Variants in ZC3HAV1 observed in about 807,000 individuals in gnomAD.
ZC3HAV1 encodes the protein zinc finger CCCH-type containing, antiviral 1, also known as zinc finger CCCH-type antiviral protein 1.
ZC3HAV1 carries 41 observed loss-of-function variants against 86.6 expected under a neutral mutation model. That is an observed-to-expected ratio of 0.47 (90% CI 0.37 to 0.61). The LOEUF (loss-of-function observed/expected upper bound fraction) is 0.61. ZC3HAV1 is among the 20% of genes least tolerant of loss of function. The pLI, the probability that ZC3HAV1 is intolerant of heterozygous loss-of-function variation, is 0.00. For synonymous variants in ZC3HAV1, 421 were observed against 432.1 expected (o/e 0.97, Z 0.32); for missense variants, 964 against 1,141.1 (o/e 0.84, Z 2.24).
rs1185478922 is a variant in ZC3HAV1 at position 139,057,753 on chromosome 7, G to C, written c.2097-2458C>G. ...GATGGGGTTTCACCGTGTTAGCCAGGATGGTCTCGATCTCCTGACCTCGTG... is the reference window on the plus strand; with the variant it reads ...GATGGGGTTTCACCGTGTTAGCCAGCATGGTCTCGATCTCCTGACCTCGTG... On this transcript the variant is annotated intron_variant, in intron 9 of 12. Transcript: ENST00000242351. 7.8e-5 allele frequency among the ~76,000 whole-genome samples: 2 copies of C among 25,522 alleles called. 1 individual carries two copies. Among genetic ancestry groups the C allele is most frequent in the African/African-American group, 4.6e-4 (2 of 4,380 alleles). The allele number at this position is 25,522 out of a possible 152,430, so 16.7% of individuals were successfully genotyped here. A position where few individuals can be genotyped will look rare whatever the true frequency, so the allele number is the denominator to read the frequency against.
intron 12 of ZC3HAV1, among the ~76,000 whole-genome samples, chr7:139,052,020 C>T (rs1406877005): frequency 6.6e-6 from 1 of 151,886 alleles, no homozygotes; most frequent in Non-Finnish European, 1.5e-5. Flanking sequence ...TTAATTCCCT[C>T]AAACATTAAG....
chr7:139,091,353 AG>A (rs1817428890), intron 1 of ZC3HAV1, among the ~76,000 whole-genome samples: 1 of 152,118 alleles, frequency 6.6e-6, no homozygotes, highest in African/African-American at 2.4e-5. Flanking sequence ...CTGTGGTCCC[AG>A]TTACTCGGGA....
chr7:139,055,680 T>C (rs1033422313), intron 9 of ZC3HAV1, among the ~76,000 whole-genome samples: 1 of 152,244 alleles, frequency 6.6e-6, no homozygotes, highest in African/African-American at 2.4e-5. Flanking sequence ...GAAAGAATTC[T>C]GCCTTTCCAG....
chr7:139,100,028 CA>C, intron 1 of ZC3HAV1, among the ~76,000 whole-genome samples: 1 of 151,482 alleles, frequency 6.6e-6, no homozygotes, highest in Non-Finnish European at 1.5e-5. Flanking sequence ...TACTTTATCT[CA>C]AAAAATAAAT....
At chr7:139,105,909 G>A (rs527732398) in intron 1 of ZC3HAV1, among the ~76,000 whole-genome samples, 2 of 151,484 alleles carry the variant, frequency 1.3e-5, no homozygotes, top group Admixed American at 6.6e-5. Context: ...TCTAGGACCC[G>A]AGGACAAAAA....
chr7:139,089,459 G>T (rs947100293), intron 2 of ZC3HAV1, among the ~76,000 whole-genome samples, 165 bp downstream of exon 2: 1 of 152,148 alleles, frequency 6.6e-6, no homozygotes, highest in Non-Finnish European at 1.5e-5. Context: ...CCTCAAATAG[G>T]AGAGAAATTT....
chr7:139,083,929 C>T lies in ZC3HAV1; in HGVS notation c.548G>A (p.Arg183His), dbSNP rs1297240431. 3.1e-6 allele frequency: 5 copies of T among 1,613,946 alleles called. No homozygotes were observed. Among genetic ancestry groups the T allele is most frequent in the East Asian group, 2.2e-5 (1 of 44,884 alleles). The change falls in exon 3 of 13, where the codon CGT (arginine) becomes CAT (histidine). Residue 183 changes from arginine to histidine, a missense_variant. By Grantham distance (29) the Arg-to-His change is conservative (BLOSUM62 0). Transcript: ENST00000242351. ...ICDHFTRGNC[R>H]FPNCLRSHNL... ...ATGGGACCGGAGGCAGTTGGGAAAA[C>T]GACAGTTCCCTCGGGTGAAGTGGTC...
rs763047506 is a variant in ZC3HAV1 at position 139,084,133 on chromosome 7, C to T, written c.445-101G>A. 2,142 of 1,470,850 alleles carry T rather than the reference C, an allele frequency of 1.5e-3. 5 individuals are homozygous for T. Among genetic ancestry groups the T allele is most frequent in the Middle Eastern group, 3.0e-3 (12 of 4,020 alleles). 91.1% of individuals were successfully genotyped at this position (1,470,850 alleles called of 1,614,324 possible). On this transcript the variant is annotated intron_variant, in intron 2 of 12. Coordinates refer to ENST00000242351, the MANE Select transcript of ZC3HAV1 (RefSeq NM_020119.4). Reference sequence around the variant, plus strand: ...CGTGTGCAAAAATCTCTGAAGCAAGCAGAGATATACCAAAGGGGGAAAAAT... The same window carrying T: ...CGTGTGCAAAAATCTCTGAAGCAAGTAGAGATATACCAAAGGGGGAAAAAT...
At chr7:139,098,966 G>T (rs1693147567) in intron 1 of ZC3HAV1, among the ~76,000 whole-genome samples, 1 of 152,108 alleles carries the variant, frequency 6.6e-6, no homozygotes, top group African/African-American at 2.4e-5. Context: ...ACCATTTAAT[G>T]GATGGAAAAA....
At position 139,046,802 on chromosome 7, in the gene ZC3HAV1, G is replaced by C. The variant is rs955405778; in HGVS notation, c.*792C>G. 7 of 152,062 alleles carry C rather than the reference G, an allele frequency of 4.6e-5. No homozygotes were observed. The highest frequency in any genetic ancestry group is 1.7e-4 in the African/African-American group (7 of 41,390). The allele number at this position is 152,062 out of a possible 1,614,324, so 9.4% of individuals were successfully genotyped here. On this transcript the variant is annotated 3_prime_UTR_variant, in exon 13 of 13. Transcript: ENST00000242351. ...AGCTTTTCACAATCTTTCTTCTAAG[G>C]CTGTAATGTCTTACATCCTTAATAG...
intron 1 of ZC3HAV1, among the ~76,000 whole-genome samples, chr7:139,097,410 A>ATT (rs1563140546): frequency 9.6e-5 from 7 of 73,178 alleles, no homozygotes; most frequent in East Asian, 4.7e-4. Context: ...CCATATATAT[A>ATT]TATATATATA....
chr7:139,047,727 C>T lies in ZC3HAV1; in HGVS notation c.2576G>A (p.Ser859Asn). The T allele has an allele frequency of 6.2e-7, 1 of 1,614,148 alleles. No homozygotes were observed. Among genetic ancestry groups the T allele is most frequent in the South Asian group, 1.1e-5 (1 of 91,078 alleles). The change falls in exon 13 of 13, where the codon AGC becomes AAC. Residue 859 changes from serine to asparagine, a missense_variant. Coordinates refer to ENST00000242351, the MANE Select transcript of ZC3HAV1 (RefSeq NM_020119.4). Reference sequence around the variant, plus strand: ...ACAGCTGTCGAACTGTGGAGGAGGGCTCGTGTACGTTATATTTCCTTCAGT... The same window carrying T: ...ACAGCTGTCGAACTGTGGAGGAGGGTTCGTGTACGTTATATTTCCTTCAGT... ...KFTEGNITYT[S>N]PPPQFDSCVD...
At chr7:139,091,868 G>A (rs751341519) in intron 1 of ZC3HAV1, among the ~76,000 whole-genome samples, 5 of 152,150 alleles carry the variant, frequency 3.3e-5, no homozygotes, top group African/African-American at 7.2e-5. Flanking sequence ...ATATTTAGCT[G>A]TTGTACTTGA....
At chr7:139,063,171 T>C (rs1445991233) in intron 8 of ZC3HAV1, among the ~76,000 whole-genome samples, 1 of 152,032 alleles carries the variant, frequency 6.6e-6, no homozygotes, top group Admixed American at 6.6e-5. Context: ...CAAATTGCTC[T>C]AGATTCAGGA....
At chr7:139,101,718 G>C (rs1817778701) in intron 1 of ZC3HAV1, among the ~76,000 whole-genome samples, 1 of 151,094 alleles carries the variant, frequency 6.6e-6, no homozygotes, top group Non-Finnish European at 1.5e-5. Flanking sequence ...CCCCAACCCT[G>C]TGCTCTCTGA....
At chr7:139,097,789 C>T (rs1420602710) in intron 1 of ZC3HAV1, among the ~76,000 whole-genome samples, 1 of 151,494 alleles carries the variant, frequency 6.6e-6, no homozygotes, top group Non-Finnish European at 1.5e-5. Context: ...AAAAGTATTG[C>T]CTGGGCTGAA....
rs754435812 is a variant in ZC3HAV1 at position 139,049,125 on chromosome 7, CT to C, written c.2450-1273del. Among the ~76,000 whole-genome samples, 623 of 125,382 alleles carry C rather than the reference CT, an allele frequency of 5.0e-3. 2 individuals carry two copies. Among genetic ancestry groups the C allele is most frequent in the East Asian group, 0.011 (47 of 4,392 alleles). The allele number at this position is 125,382 out of a possible 152,430, so 82.3% of individuals were successfully genotyped here. A position where few individuals can be genotyped will look rare whatever the true frequency, so the allele number is the denominator to read the frequency against. The stretch of plus-strand genomic sequence containing the variant: ...CAGTACATCCAACTCTCTCTCTCTC[CT>C]TTTTTTTTTTTTTTTTTCGTTGTTG... On this transcript the variant is annotated intron_variant, in intron 12 of 12. Transcript: ENST00000242351.
chr7:139,080,548 G>A (rs1481842632), intron 3 of ZC3HAV1, among the ~76,000 whole-genome samples: 2 of 152,166 alleles, frequency 1.3e-5, no homozygotes, highest in Non-Finnish European at 2.9e-5. Flanking sequence ...TCCCACCTGA[G>A]CCTCCTGAGT....
rs977688760 is a variant in ZC3HAV1 at position 139,100,823 on chromosome 7, C to T, written c.308+8201G>A. On this transcript the variant is annotated intron_variant, in intron 1 of 12. Transcript: ENST00000242351. The stretch of plus-strand genomic sequence containing the variant: ...CGGTCTCCCTCTCCCTCTCTTTCCA[C>T]GGTCTCCCTCTCCCTCTCTTTCCAC... Among the ~76,000 whole-genome samples the T allele has an allele frequency of 5.9e-5, 9 of 151,512 alleles. No homozygotes were observed. In the South Asian group the frequency reaches 8.3e-4, roughly 14 times the overall value.
Sources: gnomAD v4.1 joint callset for allele counts (sites outside exome capture counted in the v4.1 genomes callset) on GRCh38, gnomAD v4.1.1 for gene constraint, MANE v1.5 for transcripts, NCBI Gene and HGNC (gene_info 2026-07-23, HGNC 2026-07-21) for gene names.